GPC5: variants seen among roughly 807,000 people sequenced by gnomAD.
GPC5 encodes glypican 5.
In GPC5, 47 loss-of-function variants were observed where a neutral mutation model predicts 53.9. The ratio of observed to expected loss-of-function variants is 0.87; its 90% CI spans 0.69 to 1.11. The LOEUF is 1.11. Ranked by LOEUF, GPC5 falls within the 50% of genes most tolerant of loss-of-function variation. GPC5 has a pLI of 0.00. For synonymous variants in GPC5, 286 were observed against 263.3 expected (o/e 1.09, Z -0.84); for missense variants, 748 against 713.1 (o/e 1.05, Z -0.56).
chr13:92,071,171 G>A (rs536191010), intron 6 of GPC5, among the ~76,000 whole-genome samples: 1 of 152,134 alleles, frequency 6.6e-6, no homozygotes, highest in Non-Finnish European at 1.5e-5. Flanking sequence ...GGGAGGCAGA[G>A]GCTGCGGTGA....
chr13:91,690,467 G>A (rs1214849401), intron 2 of GPC5, among the ~76,000 whole-genome samples: 1 of 152,042 alleles, frequency 6.6e-6, no homozygotes, highest in Admixed American at 6.6e-5. Context: ...ATAATACACA[G>A]TGGCCTTAAA....
chr13:91,512,144 A>T (rs1885261502), intron 2 of GPC5, among the ~76,000 whole-genome samples: 2 of 152,340 alleles, frequency 1.3e-5, no homozygotes, highest in East Asian at 3.9e-4. Flanking sequence ...TGTGATCAAG[A>T]TTCCATCATC....
At chr13:92,741,408 A>G (rs1163576239) in intron 7 of GPC5, among the ~76,000 whole-genome samples, 1 of 151,888 alleles carries the variant, frequency 6.6e-6, no homozygotes, top group East Asian at 1.9e-4. Context: ...GTCCCCATGA[A>G]CAAGGAGGCT....
intron 2 of GPC5, among the ~76,000 whole-genome samples, chr13:91,641,803 C>T (rs888747287): frequency 2.0e-5 from 3 of 152,156 alleles, no homozygotes; most frequent in Non-Finnish European, 4.4e-5. Flanking sequence ...TCTAAGGAGT[C>T]ATCCTGGAAG....
At chr13:92,502,766 C>A (rs143108355) in intron 7 of GPC5, among the ~76,000 whole-genome samples, 1,979 of 152,106 alleles carry the variant, frequency 0.013, 49 homozygotes, top group African/African-American at 0.046. Flanking sequence ...TTTCAACATT[C>A]TTTTCTCAGT....
At chr13:92,268,997 T>C (rs1285856436) in intron 7 of GPC5, among the ~76,000 whole-genome samples, 2 of 152,070 alleles carry the variant, frequency 1.3e-5, no homozygotes, top group Non-Finnish European at 2.9e-5. Flanking sequence ...ATATAGGACT[T>C]CTTAATTTAG....
chr13:91,996,830 G>A (rs180800567), intron 6 of GPC5, among the ~76,000 whole-genome samples: 15 of 152,136 alleles, frequency 9.9e-5, no homozygotes, highest in Admixed American at 9.8e-4. Context: ...ATGTTTCATT[G>A]AGTATTATGT....
chr13:91,593,675 A>G (rs1311714479), intron 2 of GPC5, among the ~76,000 whole-genome samples: 5 of 152,218 alleles, frequency 3.3e-5, no homozygotes, highest in African/African-American at 1.2e-4. Context: ...AGCAGAAATG[A>G]GTGTTGAGAG....
intron 7 of GPC5, among the ~76,000 whole-genome samples, chr13:92,358,070 T>C (rs1313095218): frequency 6.6e-6 from 1 of 151,704 alleles, no homozygotes; most frequent in African/African-American, 2.4e-5. Context: ...TGTGAGCCTG[T>C]AAAATCAAAA....
chr13:92,452,441 A>ATACATT (rs1484402911), intron 7 of GPC5, among the ~76,000 whole-genome samples: 5 of 152,186 alleles, frequency 3.3e-5, no homozygotes, highest in Admixed American at 3.3e-4. Context: ...CTTATCGGAA[A>ATACATT]TACATTTCAA....
At chr13:92,616,801 G>T (rs1017370715) in intron 7 of GPC5, among the ~76,000 whole-genome samples, 5 of 152,102 alleles carry the variant, frequency 3.3e-5, no homozygotes, top group Non-Finnish European at 5.9e-5. Context: ...GCTTCAAAAT[G>T]CGTAAAGCAA....
chr13:92,676,879 A>G (rs1187006511), intron 7 of GPC5, among the ~76,000 whole-genome samples: 2 of 152,032 alleles, frequency 1.3e-5, no homozygotes, highest in Non-Finnish European at 2.9e-5. Context: ...ACTTAATCTA[A>G]AAAGTGAGTT....
intron 6 of GPC5, among the ~76,000 whole-genome samples, chr13:92,130,354 T>C (rs578078740): frequency 1.3e-5 from 2 of 148,532 alleles, no homozygotes; most frequent in Non-Finnish European, 1.5e-5. Flanking sequence ...AAAAAAAAAG[T>C]CTTAAAATAT....
intron 5 of GPC5, among the ~76,000 whole-genome samples, chr13:91,795,603 T>G (rs1397892438): frequency 1.3e-5 from 2 of 152,226 alleles, no homozygotes; most frequent in African/African-American, 4.8e-5. Flanking sequence ...CTAGGGTATC[T>G]TAGTTGCTTC....
intron 7 of GPC5, among the ~76,000 whole-genome samples, chr13:92,445,192 C>A (rs185642210): frequency 2.2e-5 from 3 of 137,794 alleles, no homozygotes; most frequent in Admixed American, 1.5e-4. Context: ...TTCCTTGCTC[C>A]TTTCCCCTCC....
intron 3 of GPC5, among the ~76,000 whole-genome samples, chr13:91,720,659 A>G (rs761909799): frequency 3.9e-5 from 6 of 152,302 alleles, no homozygotes; most frequent in East Asian, 1.9e-4. Flanking sequence ...AACTAACAGC[A>G]TATTGGACAG....
intron 7 of GPC5, among the ~76,000 whole-genome samples, chr13:92,330,801 C>T (rs1178301832): frequency 6.6e-6 from 1 of 152,248 alleles, no homozygotes; most frequent in Non-Finnish European, 1.5e-5. Context: ...GCACCTAACT[C>T]AGGTGTGGGC....
intron 6 of GPC5, among the ~76,000 whole-genome samples, chr13:92,118,420 G>A (rs9589435): frequency 0.028 from 4,315 of 152,160 alleles, 216 homozygotes; most frequent in African/African-American, 0.098. Context: ...GAGAAATGAT[G>A]ATGAGAGAGA....
chr13:91,640,481 G>C (rs2034397717), intron 2 of GPC5, among the ~76,000 whole-genome samples: 1 of 152,164 alleles, frequency 6.6e-6, no homozygotes, highest in Admixed American at 6.5e-5. Flanking sequence ...AGAAACAACA[G>C]ATGCTGGTGA....
Sources: allele counts gnomAD v4.1 joint callset (sites outside exome capture counted in the v4.1 genomes callset), GRCh38; gene constraint gnomAD v4.1.1; transcripts MANE v1.5; gene names NCBI Gene and HGNC (gene_info 2026-07-23, HGNC 2026-07-21).